The following SLC24A3 variants were observed in gnomAD, a reference collection of about 807,000 sequenced individuals.
SLC24A3 encodes the protein solute carrier family 24 member 3, also known as sodium/potassium/calcium exchanger 3.
Under a neutral mutation model 75.8 loss-of-function variants are expected in SLC24A3, and 28 were observed. The ratio of observed to expected loss-of-function variants is 0.37; its 90% CI spans 0.27 to 0.51. The LOEUF is 0.51. Ranked by LOEUF, SLC24A3 falls within the 20% of genes least tolerant of loss-of-function variation. The pLI, the probability that SLC24A3 is intolerant of heterozygous loss-of-function variation, is 0.94. For synonymous variants in SLC24A3, 372 were observed against 334.1 expected, an observed-to-expected ratio of 1.11 and a Z score of -1.24; for missense variants, 663 against 847.8, an observed-to-expected ratio of 0.78 and a Z score of 2.71.
chr20:19,668,160 A>G (rs1367528429), intron 8 of SLC24A3, among the ~76,000 whole-genome samples: 2 of 152,222 alleles, frequency 1.3e-5, no homozygotes, highest in South Asian at 2.1e-4. Flanking sequence ...TATTACACGC[A>G]TGGGCTGATG....
intron 2 of SLC24A3, among the ~76,000 whole-genome samples, chr20:19,451,566 T>G (rs1484137953): frequency 1.3e-5 from 2 of 151,966 alleles, no homozygotes; most frequent in African/African-American, 2.4e-5. Context: ...GAACTAGTCC[T>G]CTGTTTTTGC....
chr20:19,703,842 C>G (rs190933021), intron 15 of SLC24A3, among the ~76,000 whole-genome samples: 20 of 152,340 alleles, frequency 1.3e-4, no homozygotes, highest in Admixed American at 6.5e-4. Flanking sequence ...AAATGGCACT[C>G]TGAACCCAGA....
At chr20:19,703,026 A>G (rs1189116655) in intron 15 of SLC24A3, among the ~76,000 whole-genome samples, 1 of 152,356 alleles carries the variant, frequency 6.6e-6, no homozygotes, top group African/African-American at 2.4e-5. Flanking sequence ...AATGTAAATG[A>G]ACAAGAAACA....
intron 6 of SLC24A3, among the ~76,000 whole-genome samples, chr20:19,614,339 C>T (rs937155044): frequency 6.6e-6 from 1 of 152,172 alleles, no homozygotes; most frequent in Admixed American, 6.5e-5. Flanking sequence ...ATGGCACCAG[C>T]TATATAGAAA....
intron 2 of SLC24A3, among the ~76,000 whole-genome samples, chr20:19,449,883 G>A (rs1987452237): frequency 6.6e-6 from 1 of 152,150 alleles, no homozygotes. Flanking sequence ...TTAGAAAGGA[G>A]CATTAAGTAG....
chr20:19,426,796 G>T (rs1250209984), intron 2 of SLC24A3, among the ~76,000 whole-genome samples: 1 of 152,178 alleles, frequency 6.6e-6, no homozygotes, highest in Admixed American at 6.5e-5. Flanking sequence ...GGGTCAGGAG[G>T]CTACTGCGGC....
chr20:19,304,547 G>C (rs566885686), intron 2 of SLC24A3, among the ~76,000 whole-genome samples: 1 of 152,212 alleles, frequency 6.6e-6, no homozygotes, highest in East Asian at 1.9e-4. Flanking sequence ...CTAAGCCCTG[G>C]CTCCACCTCC....
chr20:19,461,535 T>C (rs1390449741), intron 2 of SLC24A3, among the ~76,000 whole-genome samples: 1,986 of 132,246 alleles, frequency 0.015, 40 homozygotes, highest in African/African-American at 0.058. Flanking sequence ...TTTTCTTTTT[T>C]TTTTTTTTTT....
At chr20:19,512,240 C>T (rs1224860660) in intron 2 of SLC24A3, among the ~76,000 whole-genome samples, 2 of 152,144 alleles carry the variant, frequency 1.3e-5, no homozygotes, top group African/African-American at 2.4e-5. Flanking sequence ...CTGCCCACTC[C>T]CTGAAGGGAG....
At chr20:19,449,199 T>C (rs1052536310) in intron 2 of SLC24A3, among the ~76,000 whole-genome samples, 31 of 133,402 alleles carry the variant, frequency 2.3e-4, no homozygotes, top group Non-Finnish European at 1.0e-4. Context: ...GCAGGCAGAG[T>C]TCTCTACCAC....
chr20:19,264,728 C>CAAAAAAAAA lies in SLC24A3; in HGVS notation c.143-16222_143-16214dup, dbSNP rs371253803. Among the ~76,000 whole-genome samples, 8 of 97,986 alleles carry CAAAAAAAAA rather than the reference C, an allele frequency of 8.2e-5. 1 individual carries two copies. Among genetic ancestry groups the CAAAAAAAAA allele is most frequent in the South Asian group, 8.1e-4 (2 of 2,466 alleles). The allele number at this position is 97,986 out of a possible 152,430, so 64.3% of individuals were successfully genotyped here. The stretch of plus-strand genomic sequence containing the variant: ...TGGGCGACAGAGCGAGACTCCATCT[C>CAAAAAAAAA]AAAAAAAAAAAAAAAAACAAAACAA... On this transcript the variant is annotated intron_variant, in intron 1 of 16. Transcript: ENST00000328041.
intron 3 of SLC24A3, among the ~76,000 whole-genome samples, chr20:19,540,525 C>T (rs555530827): frequency 3.3e-5 from 5 of 152,174 alleles, no homozygotes; most frequent in Non-Finnish European, 5.9e-5. Context: ...CCAGCAGGCT[C>T]GCAGAGGCCA....
chr20:19,465,398 T>TTA (rs1987748012), intron 2 of SLC24A3, among the ~76,000 whole-genome samples: 1 of 151,754 alleles, frequency 6.6e-6, no homozygotes, highest in South Asian at 2.1e-4. Flanking sequence ...TTTTTTTTTT[T>TTA]TTATCAAAAC....
In SLC24A3 at chr20:19,673,665, T is replaced by C. The variant is rs2032493705; in HGVS notation, c.767+11T>C. On this transcript the variant is annotated intron_variant, in intron 9 of 16. Coordinates refer to ENST00000328041, the MANE Select transcript of SLC24A3 (RefSeq NM_020689.4). Reference sequence around the variant, plus strand: ...CATTGTCATCATGAAGTAAGTAAAATTTTTCATTTCTTATCCAAAACTGTT... The same window carrying C: ...CATTGTCATCATGAAGTAAGTAAAACTTTTCATTTCTTATCCAAAACTGTT... 6.2e-7 allele frequency: 1 copy of C among 1,611,670 alleles called. No individual in the cohort carries two copies.
intron 2 of SLC24A3, among the ~76,000 whole-genome samples, chr20:19,290,612 A>G (rs1983918894): frequency 6.6e-6 from 1 of 152,084 alleles, no homozygotes; most frequent in African/African-American, 2.4e-5. Flanking sequence ...CAGCCTTCAG[A>G]GCTGTGAGAA....
At chr20:19,387,819 T>C (rs1986297585) in intron 2 of SLC24A3, among the ~76,000 whole-genome samples, 1 of 152,242 alleles carries the variant, frequency 6.6e-6, no homozygotes, top group Admixed American at 6.5e-5. Flanking sequence ...GTTCTGTATA[T>C]GTCTGGTAGG....
chr20:19,424,817 C>A (rs963513203), intron 2 of SLC24A3, among the ~76,000 whole-genome samples: 7 of 148,860 alleles, frequency 4.7e-5, no homozygotes, highest in African/African-American at 1.7e-4. Flanking sequence ...CTTACATAAC[C>A]ACAATGTCAC....
intron 2 of SLC24A3, among the ~76,000 whole-genome samples, chr20:19,329,727 C>T (rs1454332419): frequency 6.6e-6 from 1 of 152,134 alleles, no homozygotes; most frequent in East Asian, 1.9e-4. Context: ...AAATATTTTT[C>T]CCCCTTCATA....
At chr20:19,511,342 T>G (rs1481496624) in intron 2 of SLC24A3, among the ~76,000 whole-genome samples, 1 of 151,736 alleles carries the variant, frequency 6.6e-6, no homozygotes, top group East Asian at 1.9e-4. Context: ...TTTTTTTTTT[T>G]TTTGAGATGG....
Sources: gnomAD v4.1 joint callset for allele counts (sites outside exome capture counted in the v4.1 genomes callset) on GRCh38, gnomAD v4.1.1 for gene constraint, MANE v1.5 for transcripts, NCBI Gene and HGNC (gene_info 2026-07-23, HGNC 2026-07-21) for gene names.